DLGAP2: variants seen among roughly 807,000 people sequenced by gnomAD.
DLGAP2 encodes disks large-associated protein 2.
Under a neutral mutation model 100.3 loss-of-function variants are expected in DLGAP2, and 26 were observed. That is an observed-to-expected ratio of 0.26 (90% CI 0.19 to 0.36). The LOEUF (loss-of-function observed/expected upper bound fraction) is 0.36, where lower values mean the gene tolerates loss of function less well. Among genes scored for constraint, DLGAP2 ranks in the 10% least tolerant of loss-of-function variants. The pLI is 1.00. For synonymous variants in DLGAP2, 886 were observed against 630.1 expected (o/e 1.41, Z -6.08); for missense variants, 1,858 against 1,453.2 (o/e 1.28, Z -4.53).
intron 8 of DLGAP2, among the ~76,000 whole-genome samples, chr8:1,662,256 T>A (rs558498457): frequency 1.6e-4 from 25 of 152,248 alleles, no homozygotes; most frequent in Non-Finnish European, 2.9e-4. Flanking sequence ...TCATATAATC[T>A]CCTCTTACTC....
At chr8:913,277 G>T (rs1040209038) in intron 2 of DLGAP2, among the ~76,000 whole-genome samples, 1 of 152,200 alleles carries the variant, frequency 6.6e-6, no homozygotes, top group African/African-American at 2.4e-5. Flanking sequence ...TTGTTGAAAT[G>T]TTAGGAAAGG....
chr8:1,444,208 C>G (rs552234207), intron 3 of DLGAP2, among the ~76,000 whole-genome samples: 2 of 152,304 alleles, frequency 1.3e-5, no homozygotes, highest in African/African-American at 4.8e-5. Flanking sequence ...GCCTTGGCCT[C>G]CCACAGCTCT....
At chr8:1,470,155 C>T (rs1301649736) in intron 3 of DLGAP2, among the ~76,000 whole-genome samples, 2 of 152,106 alleles carry the variant, frequency 1.3e-5, no homozygotes, top group Non-Finnish European at 2.9e-5. Context: ...GGGCCAGACC[C>T]TGTCTCCAAA....
chr8:1,313,918 T>C (rs1248016387), intron 3 of DLGAP2, among the ~76,000 whole-genome samples: 1 of 152,112 alleles, frequency 6.6e-6, no homozygotes, highest in East Asian at 1.9e-4. Context: ...CACCGCACGG[T>C]AGCTTTCCAC....
At chr8:1,571,468 G>C (rs1181666100) in intron 6 of DLGAP2, among the ~76,000 whole-genome samples, 3 of 131,458 alleles carry the variant, frequency 2.3e-5, no homozygotes, top group Non-Finnish European at 4.8e-5. Context: ...GGGGTGAACT[G>C]TGGGGTGTCT....
intron 12 of DLGAP2, among the ~76,000 whole-genome samples, chr8:1,685,021 G>C (rs1799078597): frequency 6.6e-6 from 1 of 152,124 alleles, no homozygotes; most frequent in East Asian, 1.9e-4. Flanking sequence ...GGAACATAGG[G>C]ATTTGCTCAC....
chr8:1,238,540 C>G (rs1186445788), intron 2 of DLGAP2, among the ~76,000 whole-genome samples: 2 of 112,532 alleles, frequency 1.8e-5, no homozygotes, highest in East Asian at 2.5e-4. Context: ...GTCTGGTTCT[C>G]TCACATGGTG....
intron 8 of DLGAP2, among the ~76,000 whole-genome samples, chr8:1,652,594 A>G (rs1256805826): frequency 1.3e-5 from 2 of 152,186 alleles, no homozygotes; most frequent in Non-Finnish European, 2.9e-5. Flanking sequence ...ACCCTCTGTC[A>G]GGTCAACGAC....
intron 1 of DLGAP2, among the ~76,000 whole-genome samples, chr8:894,921 T>C (rs1029355736): frequency 4.2e-4 from 18 of 43,260 alleles, no homozygotes; most frequent in South Asian, 8.9e-4. Flanking sequence ...GTGGGGGGAG[T>C]GGAGTGGCGG....
chr8:1,190,219 C>G (rs931964308), intron 2 of DLGAP2, among the ~76,000 whole-genome samples: 1 of 152,206 alleles, frequency 6.6e-6, no homozygotes. Context: ...CTTCCAGATT[C>G]TGGTGGTCTC....
intron 2 of DLGAP2, among the ~76,000 whole-genome samples, chr8:1,252,333 C>A (rs773636202): frequency 7.0e-6 from 1 of 142,404 alleles, no homozygotes; most frequent in Non-Finnish European, 1.6e-5. Flanking sequence ...TCCTGGGTCA[C>A]GGTGTCACAG....
chr8:874,065 T>A (rs1004297609), intron 1 of DLGAP2, among the ~76,000 whole-genome samples: 2 of 152,128 alleles, frequency 1.3e-5, no homozygotes, highest in African/African-American at 4.8e-5. Context: ...ATACCCCTCT[T>A]TCATCTGATT....
chr8:1,256,179 CCTGG>C (rs1799208035), intron 2 of DLGAP2, among the ~76,000 whole-genome samples: 2 of 117,042 alleles, frequency 1.7e-5, no homozygotes, highest in African/African-American at 3.3e-5. Flanking sequence ...TCTCATCCTG[CCTGG>C]GTGCTGTGTG....
chr8:1,443,711 A>T (rs944212876), intron 3 of DLGAP2, among the ~76,000 whole-genome samples: 1 of 152,062 alleles, frequency 6.6e-6, no homozygotes, highest in Admixed American at 6.5e-5. Context: ...AAAATCATCA[A>T]ATCTAGTGAG....
chr8:1,306,883 A>G (rs1055075552), intron 3 of DLGAP2, among the ~76,000 whole-genome samples: 1 of 152,226 alleles, frequency 6.6e-6, no homozygotes, highest in African/African-American at 2.4e-5. Context: ...TATACCACAT[A>G]TAAACAATAC....
chr8:1,454,608 C>G (rs2130125335), intron 3 of DLGAP2, among the ~76,000 whole-genome samples: 1 of 152,320 alleles, frequency 6.6e-6, no homozygotes, highest in East Asian at 1.9e-4. Flanking sequence ...CCATTAAGAT[C>G]CCTTTACATT....
At chr8:945,401 T>C (rs1054541105) in intron 2 of DLGAP2, among the ~76,000 whole-genome samples, 4 of 152,206 alleles carry the variant, frequency 2.6e-5, no homozygotes, top group African/African-American at 9.6e-5. Context: ...TGACATGTTG[T>C]TTGACCTTGA....
At chr8:997,354 T>C (rs1229451201) in intron 2 of DLGAP2, among the ~76,000 whole-genome samples, 1 of 152,242 alleles carries the variant, frequency 6.6e-6, no homozygotes, top group Non-Finnish European at 1.5e-5. Flanking sequence ...TCATTTTACT[T>C]GATACTTTTC....
At chr8:1,587,447 CT>C (rs1796155822) in intron 6 of DLGAP2, among the ~76,000 whole-genome samples, 1 of 152,074 alleles carries the variant, frequency 6.6e-6, no homozygotes, top group South Asian at 2.1e-4. Flanking sequence ...GCTATTTCTT[CT>C]TTTGTTTTCT....
Sources: allele counts gnomAD v4.1 joint callset (sites outside exome capture counted in the v4.1 genomes callset), GRCh38; gene constraint gnomAD v4.1.1; transcripts MANE v1.5; gene names NCBI Gene and HGNC (gene_info 2026-07-23, HGNC 2026-07-21).